Variants in BIRC6 observed in about 807,000 individuals in gnomAD.
BIRC6 encodes the protein baculoviral IAP repeat containing 6.
In BIRC6, 98 loss-of-function variants were observed where a neutral mutation model predicts 503.3. The ratio of observed to expected loss-of-function variants is 0.19; its 90% confidence interval spans 0.17 to 0.23. The LOEUF (loss-of-function observed/expected upper bound fraction) is 0.23. BIRC6 is among the 10% of genes least tolerant of loss of function. The pLI, the probability that BIRC6 is intolerant of heterozygous loss-of-function variation, is 1.00. For missense variants in BIRC6, 5,360 were observed against 5,806.0 expected, an observed-to-expected ratio of 0.92 and a Z score of 2.50; for synonymous variants, 2,240 against 2,078.7, an observed-to-expected ratio of 1.08 and a Z score of -2.11.
intron 1 of BIRC6, among the ~76,000 whole-genome samples, chr2:32,360,396 G>T (rs903619850): frequency 2.6e-5 from 4 of 152,172 alleles, no homozygotes; most frequent in African/African-American, 9.7e-5. Context: ...ATATACACAG[G>T]CTGGGTAAGT....
At chr2:32,477,732 C>CAAA in intron 35 of BIRC6, 149 bp downstream of exon 35, 3 of 167,082 alleles carry the variant, frequency 1.8e-5, no homozygotes, top group African/African-American at 4.9e-5. Context: ...AACCCCGTCT[C>CAAA]TACAAAAAAA....
At chr2:32,585,002 G>C (rs192825701) in intron 66 of BIRC6, among the ~76,000 whole-genome samples, 51 of 152,172 alleles carry the variant, frequency 3.4e-4, no homozygotes, top group Non-Finnish European at 2.9e-5. Context: ...TATCCCCAAA[G>C]CCTTAGATTC....
intron 64 of BIRC6, 127 bp downstream of exon 64, chr2:32,548,141 G>A (rs1355654995): frequency 1.0e-5 from 8 of 773,530 alleles, no homozygotes; most frequent in Non-Finnish European, 1.5e-5. Flanking sequence ...CTTCTTCCCA[G>A]TGCATTCTAA....
At chr2:32,396,541 G>C (rs995144703) in intron 6 of BIRC6, among the ~76,000 whole-genome samples, 1 of 152,124 alleles carries the variant, frequency 6.6e-6, no homozygotes, top group Non-Finnish European at 1.5e-5. Flanking sequence ...GCAGAGAGTT[G>C]AATACAGTAG....
intron 9 of BIRC6, among the ~76,000 whole-genome samples, chr2:32,411,714 G>A (rs2041905776): frequency 6.6e-6 from 1 of 152,054 alleles, no homozygotes; most frequent in Non-Finnish European, 1.5e-5. Context: ...CAGGGCTCAA[G>A]TGATCTGGCC....
At chr2:32,380,385 T>C in intron 3 of BIRC6, 95 bp downstream of exon 3, 1 of 1,394,516 alleles carries the variant, frequency 7.2e-7, no homozygotes. Context: ...GGAAATGTTC[T>C]AATTCTAGAT....
rs781365267 is a variant in BIRC6, at chr2:32,442,347, T to A, written c.4130T>A (p.Leu1377Gln). ...PGSSKEGNEN[L>Q]LSKTRKFLSD... is the part of the protein sequence containing the mutation. ...AGCTCAAAGGAAGGAAATGAGAACC[T>A]ACTTTCAAAAACACGAAAATTTCTG... is the stretch of plus-strand genomic sequence containing the variant. Residue 1377 changes from leucine to glutamine, a missense_variant, in exon 19 of 74, where the codon CTA becomes CAA. By Grantham distance (113) the Leu-to-Gln change is moderately radical. This residue lies in a region of BIRC6 where 2,299 missense variants were observed against 2,267.2 expected (regional missense o/e 1.01). Coordinates refer to ENST00000421745, the MANE Select transcript of BIRC6 (RefSeq NM_016252.4). 4 of 1,612,936 alleles carry A rather than the reference T, an allele frequency of 2.5e-6. No individual in the cohort carries two copies. Among genetic ancestry groups the A allele is most frequent in the Non-Finnish European group, 3.4e-6 (4 of 1,179,398 alleles).
rs530075450 is a variant in BIRC6, at chr2:32,477,310, C to T, written c.6853-58C>T. The T allele has an allele frequency of 5.8e-6, 9 of 1,540,852 alleles. No homozygotes were observed. The African/African-American group carries it at 1.1e-4, about 19-fold the overall frequency. On this transcript the variant is annotated intron_variant, in intron 34 of 73. Transcript: ENST00000421745. ...GATATTTTCATTACATAAATCTATACTGAAAAAATTTTCATTAAGTAAACA... is the reference window on the plus strand; with the variant it reads ...GATATTTTCATTACATAAATCTATATTGAAAAAATTTTCATTAAGTAAACA...
At chr2:32,606,026 TATAAG>T (rs1248438320) in intron 71 of BIRC6, among the ~76,000 whole-genome samples, 1 of 152,248 alleles carries the variant, frequency 6.6e-6, no homozygotes, top group Non-Finnish European at 1.5e-5. Flanking sequence ...AACTTTGACT[TATAAG>T]ATGCATATCC....
At chr2:32,495,796 T>G (rs2052379535) in intron 45 of BIRC6, among the ~76,000 whole-genome samples, 1 of 149,446 alleles carries the variant, frequency 6.7e-6, no homozygotes, top group African/African-American at 2.5e-5. Flanking sequence ...TGAAGTTTTT[T>G]TTTTTTTTTT....
At chr2:32,494,329 G>C (rs1212201737) in intron 45 of BIRC6, among the ~76,000 whole-genome samples, 2 of 151,752 alleles carry the variant, frequency 1.3e-5, no homozygotes, top group African/African-American at 4.8e-5. Context: ...CTGGGTTGAA[G>C]CGATTCTCAT....
intron 71 of BIRC6, among the ~76,000 whole-genome samples, chr2:32,607,212 T>A (rs1045876406): frequency 5.9e-5 from 9 of 152,038 alleles, no homozygotes; most frequent in Non-Finnish European, 1.3e-4. Flanking sequence ...TCATATCTAT[T>A]ATTATTCAAG....
In BIRC6 at chr2:32,453,809, A is replaced by G; in HGVS notation, c.4620A>G (p.Gly1540=). Residue 1540 remains glycine (G), a splice_region_variant and synonymous_variant, in exon 23 of 74, where the codon GGA becomes GGG. Coordinates refer to ENST00000421745, the MANE Select transcript of BIRC6 (RefSeq NM_016252.4). ...DEIDLSDVLS[G]NGKVSSCTAA... ...ATAAAACTTGTCTTTTGCCATTAGG[A>G]AATGGAAAGGTCAGTAGTTGCACAG... 1.2e-6 allele frequency: 2 copies of G among 1,611,924 alleles called. No homozygotes were observed.
At chr2:32,397,340 T>C (rs1389514613) in intron 6 of BIRC6, among the ~76,000 whole-genome samples, 2 of 151,726 alleles carry the variant, frequency 1.3e-5, no homozygotes, top group Non-Finnish European at 1.5e-5. Context: ...GGCGTGGTGG[T>C]GTGCACCTGT....
chr2:32,516,460 G>C (rs1315271107), intron 55 of BIRC6, among the ~76,000 whole-genome samples: 1 of 150,194 alleles, frequency 6.7e-6, no homozygotes, highest in East Asian at 2.0e-4. Flanking sequence ...AGGTTGCAGT[G>C]AGCTGAAATC....
intron 57 of BIRC6, chr2:32,523,017 T>C (rs991384692): frequency 6.6e-6 from 1 of 152,220 alleles, no homozygotes; most frequent in African/African-American, 2.4e-5. Context: ...GGTCACCTCA[T>C]TGGTTTCCAC....
At chr2:32,442,039 T>C (rs1419556619) in intron 17 of BIRC6, 26 bp from the exon 18 acceptor site, 1 of 1,473,972 alleles carries the variant, frequency 6.8e-7, no homozygotes. Flanking sequence ...TGTTTGGTAA[T>C]GTGTTTATAT....
chr2:32,483,081 C>A (rs937223810), intron 39 of BIRC6, among the ~76,000 whole-genome samples: 11 of 111,714 alleles, frequency 9.8e-5, no homozygotes, highest in Admixed American at 1.0e-4. Context: ...CCAAGCCCAG[C>A]TATTTTTTGT....
intron 23 of BIRC6, among the ~76,000 whole-genome samples, chr2:32,459,802 G>T (rs1395897276): frequency 6.6e-6 from 1 of 150,922 alleles, no homozygotes; most frequent in Non-Finnish European, 1.5e-5. Context: ...TAGATTCTTA[G>T]TTATATATTT....
Sources: allele counts gnomAD v4.1 joint callset (sites outside exome capture counted in the v4.1 genomes callset), GRCh38; gene constraint gnomAD v4.1.1; regional missense constraint gnomAD v4.1.1; transcripts MANE v1.5; gene names NCBI Gene and HGNC (gene_info 2026-07-23, HGNC 2026-07-21).